Variants in CA10 observed in about 807,000 individuals in gnomAD.
The protein encoded by CA10 is carbonic anhydrase 10 (inactive).
A neutral mutation model predicts 44.2 loss-of-function variants in CA10; 14 were observed. The ratio of observed to expected loss-of-function variants is 0.32; its 90% CI spans 0.21 to 0.50. The LOEUF (loss-of-function observed/expected upper bound fraction) is 0.50. Ranked by LOEUF, CA10 falls within the 20% of genes least tolerant of loss-of-function variation. The probability of loss-of-function intolerance (pLI) is 0.99; values close to 1 mark genes in which losing one functional copy is unlikely to be tolerated. For synonymous variants in CA10, 159 were observed against 141.6 expected (o/e 1.12, Z -0.87); for missense variants, 350 against 409.7 (o/e 0.85, Z 1.26).
chr17:52,089,195 G>C (rs539833975), intron 1 of CA10, among the ~76,000 whole-genome samples: 19 of 152,170 alleles, frequency 1.2e-4, no homozygotes, highest in Non-Finnish European at 2.4e-4. Context: ...ACAGAAGTGT[G>C]CAAGAAATAC....
At position 51,655,327 on chromosome 17, in the gene CA10, T is replaced by C. The variant is rs529132650; in HGVS notation, c.466-1591A>G. Among the ~76,000 whole-genome samples, 14 of 152,344 alleles carry C rather than the reference T, an allele frequency of 9.2e-5. No individual in the cohort carries two copies. The East Asian group carries it at 1.5e-3, about 17-fold the overall frequency. On this transcript the variant is annotated intron_variant, in intron 4 of 8. Transcript: ENST00000451037. ...ATATCTTTCTGTAATGGTGTTAGCA[T>C]TTTCCACAGGCTGATTTGAGAATCC...
intron 1 of CA10, among the ~76,000 whole-genome samples, chr17:52,144,934 C>G (rs1416293367): frequency 6.6e-6 from 1 of 152,080 alleles, no homozygotes; most frequent in Admixed American, 6.6e-5. Flanking sequence ...AATGAGGATA[C>G]TGACACTTAG....
At chr17:52,053,930 G>A (rs758643318) in intron 2 of CA10, among the ~76,000 whole-genome samples, 23 of 152,036 alleles carry the variant, frequency 1.5e-4, no homozygotes, top group South Asian at 2.1e-4. Context: ...TCTTAATCCC[G>A]TCAGCTTCAT....
chr17:51,666,132 C>T (rs1244368165), intron 4 of CA10, among the ~76,000 whole-genome samples: 2 of 152,186 alleles, frequency 1.3e-5, no homozygotes, highest in African/African-American at 4.8e-5. Flanking sequence ...CCAACAAACC[C>T]GTATGTGTTT....
chr17:51,775,116 G>A (rs1425922314), intron 3 of CA10, among the ~76,000 whole-genome samples: 5 of 152,066 alleles, frequency 3.3e-5, no homozygotes, highest in Non-Finnish European at 7.4e-5. Flanking sequence ...AGGGGGAGGG[G>A]CATACTTCTG....
intron 2 of CA10, among the ~76,000 whole-genome samples, chr17:51,987,930 G>C (rs1332434763): frequency 6.6e-6 from 1 of 151,946 alleles, no homozygotes; most frequent in East Asian, 1.9e-4. Context: ...AAGAAAGGAA[G>C]AATGTTATAG....
intron 3 of CA10, among the ~76,000 whole-genome samples, chr17:51,900,508 G>A (rs1043855640): frequency 2.6e-5 from 4 of 151,954 alleles, no homozygotes; most frequent in Non-Finnish European, 5.9e-5. Context: ...ATTTGTCTTG[G>A]GGATGGTCAT....
intron 4 of CA10, among the ~76,000 whole-genome samples, chr17:51,719,186 C>T (rs1319320156): frequency 2.0e-5 from 3 of 152,140 alleles, no homozygotes; most frequent in African/African-American, 7.2e-5. Flanking sequence ...AAAATAAATG[C>T]CACCAGAACC....
At chr17:51,885,205 A>AT (rs911406955) in intron 3 of CA10, among the ~76,000 whole-genome samples, 36 of 151,530 alleles carry the variant, frequency 2.4e-4, no homozygotes, top group East Asian at 1.6e-3. Context: ...GTTTTGTCTG[A>AT]TTTTTTTTTC....
At position 51,813,539 on chromosome 17, in the gene CA10, C is replaced by A. The variant is rs957373275; in HGVS notation, c.280-65721G>T. ...TCCAGTAACTCACTCTCAGGTGACC[C>A]TAAGGTCAGTGTTATTTTCCATGGT... On this transcript the variant is annotated intron_variant, in intron 3 of 8. Coordinates refer to ENST00000451037, the MANE Select transcript of CA10 (RefSeq NM_020178.5). Among the ~76,000 whole-genome samples, 4 of 152,154 alleles carry A rather than the reference C, an allele frequency of 2.6e-5. No individual in the cohort carries two copies. In the South Asian group the frequency reaches 8.3e-4, roughly 32 times the overall value.
chr17:51,641,009 G>T lies in CA10; in HGVS notation c.635-5000C>A, dbSNP rs545434475. ...TTTGGGGTGAAGCTCAGAGGCCAGTGGGGGAGTGTTCATGCATGTCTCTGC... is the reference window on the plus strand; with the variant it reads ...TTTGGGGTGAAGCTCAGAGGCCAGTTGGGGAGTGTTCATGCATGTCTCTGC... On this transcript the variant is annotated intron_variant, in intron 6 of 8. Transcript: ENST00000451037. Among the ~76,000 whole-genome samples, 485 of 152,058 alleles carry T rather than the reference G, an allele frequency of 3.2e-3. 4 individuals carry two copies. Among genetic ancestry groups the T allele is most frequent in the African/African-American group, 0.011 (458 of 41,482 alleles).
chr17:51,903,777 A>G (rs1981422689), intron 3 of CA10, among the ~76,000 whole-genome samples: 1 of 152,206 alleles, frequency 6.6e-6, no homozygotes, highest in South Asian at 2.1e-4. Context: ...ACAAGAGAAG[A>G]GAGCTCCAAA....
chr17:51,674,382 G>A (rs1015774129), intron 4 of CA10, among the ~76,000 whole-genome samples: 1 of 152,160 alleles, frequency 6.6e-6, no homozygotes, highest in Non-Finnish European at 1.5e-5. Context: ...CCTTGAACAA[G>A]CACTTTATCC....
chr17:51,758,729 G>T (rs1375182333), intron 3 of CA10, among the ~76,000 whole-genome samples: 1 of 152,084 alleles, frequency 6.6e-6, no homozygotes, highest in Admixed American at 6.5e-5. Context: ...GTTTAATATT[G>T]TTATTTTAAT....
At chr17:51,637,576 A>G (rs1912887415) in intron 6 of CA10, among the ~76,000 whole-genome samples, 1 of 152,182 alleles carries the variant, frequency 6.6e-6, no homozygotes, top group African/African-American at 2.4e-5. Flanking sequence ...GAAAGTACTC[A>G]TTCTTCAGGG....
At chr17:51,758,626 T>C (rs1233256027) in intron 3 of CA10, among the ~76,000 whole-genome samples, 1 of 152,218 alleles carries the variant, frequency 6.6e-6, no homozygotes, top group African/African-American at 2.4e-5. Context: ...GAATGAGTTT[T>C]TCCCTCACAA....
intron 3 of CA10, among the ~76,000 whole-genome samples, chr17:51,840,429 A>G (rs902442075): frequency 6.6e-6 from 1 of 151,988 alleles, no homozygotes. Context: ...TGTCCCAACA[A>G]TAGATTTTTG....
rs1916184809 is a variant in CA10, at chr17:51,717,731, A to ATG, written c.465+29901_465+29902insCA. On this transcript the variant is annotated intron_variant, in intron 4 of 8. Coordinates refer to ENST00000451037, the MANE Select transcript of CA10 (RefSeq NM_020178.5). ...TATACATATATACGTATATATACAT[A>ATG]TATACGTATATATACATGTATATAT... is the stretch of plus-strand genomic sequence containing the variant. Among the ~76,000 whole-genome samples, 69 of 31,562 alleles carry ATG rather than the reference A, an allele frequency of 2.2e-3. 7 individuals are homozygous for ATG. The highest frequency in any genetic ancestry group is 4.5e-3 in the African/African-American group (56 of 12,394). The allele number at this position is 31,562 out of a possible 152,430, so 20.7% of individuals were successfully genotyped here.
At chr17:51,942,552 A>ATATATATATATATATATATC (rs1983124063) in intron 2 of CA10, among the ~76,000 whole-genome samples, 1 of 150,414 alleles carries the variant, frequency 6.6e-6, no homozygotes, top group African/African-American at 2.4e-5. Flanking sequence ...ATATATATAT[A>ATATATATATATATATATATC]TATCTGTCAT....
Sources: gnomAD v4.1 joint callset for allele counts (sites outside exome capture counted in the v4.1 genomes callset) on GRCh38, gnomAD v4.1.1 for gene constraint, MANE v1.5 for transcripts, NCBI Gene and HGNC (gene_info 2026-07-23, HGNC 2026-07-21) for gene names.